Variants in MAPK8IP3 observed in about 807,000 individuals in gnomAD.
MAPK8IP3 encodes mitogen-activated protein kinase 8 interacting protein 3, also known as C-Jun-amino-terminal kinase-interacting protein 3.
Under a neutral mutation model 157.8 loss-of-function variants are expected in MAPK8IP3, and 49 were observed. That is an observed-to-expected ratio of 0.31 (90% CI 0.25 to 0.39). The LOEUF (loss-of-function observed/expected upper bound fraction) is 0.39. Ranked by LOEUF, MAPK8IP3 falls within the 10% of genes least tolerant of loss-of-function variation. The pLI, the probability that MAPK8IP3 is intolerant of heterozygous loss-of-function variation, is 1.00. For missense variants in MAPK8IP3, 1,478 were observed against 1,889.4 expected, an observed-to-expected ratio of 0.78 and a Z score of 4.04; for synonymous variants, 897 against 777.7, an observed-to-expected ratio of 1.15 and a Z score of -2.55.
chr16:1,726,011 C>T (rs2038854199), intron 2 of MAPK8IP3, among the ~76,000 whole-genome samples: 6 of 152,244 alleles, frequency 3.9e-5, no homozygotes, highest in African/African-American at 9.6e-5. Flanking sequence ...TGAAACCAAT[C>T]GGCTGCGGTT....
Position 1,743,742 on chromosome 16 carries a change from C to A in MAPK8IP3, c.747+266C>A, listed in dbSNP as rs1596688685. ...CTAGACCTCCCTGCCCTTGGATAGACCGCTCTGTAGCCAGGGGTGTACAGT... is the reference window on the plus strand; with the variant it reads ...CTAGACCTCCCTGCCCTTGGATAGAACGCTCTGTAGCCAGGGGTGTACAGT... On this transcript the variant is annotated intron_variant, in intron 5 of 31. Transcript: ENST00000610761. This position sits in a 1 kb window ranked among gnomAD's most constrained non-coding sequence, Gnocchi z 5.6. 2 of 1,356,128 alleles carry A rather than the reference C, an allele frequency of 1.5e-6. No homozygotes were observed. Among genetic ancestry groups the A allele is most frequent in the Non-Finnish European group, 1.9e-6 (2 of 1,060,884 alleles). The allele number at this position is 1,356,128 out of a possible 1,614,324, so 84.0% of individuals were successfully genotyped here. A position where few individuals can be genotyped will look rare whatever the true frequency, so the allele number is the denominator to read the frequency against.
At position 1,737,743 on chromosome 16, in the gene MAPK8IP3, C is replaced by CGT. The variant is rs530832228; in HGVS notation, c.603-5587_603-5586dup. On this transcript the variant is annotated intron_variant, in intron 4 of 31. Coordinates refer to ENST00000610761, the MANE Select transcript of MAPK8IP3 (RefSeq NM_001318852.2). ...CCGTCCGTGTGAGCATCCGTGTGAG[C>CGT]GTGACCATCCGTGTGTGTGACCATC... 6.5e-3 allele frequency among the ~76,000 whole-genome samples: 298 copies of CGT among 45,730 alleles called. 69 individuals carry two copies. Among genetic ancestry groups the CGT allele is most frequent in the African/African-American group, 0.03 (180 of 5,902 alleles). The allele number at this position is 45,730 out of a possible 152,430, so 30.0% of individuals were successfully genotyped here.
chr16:1,734,487 C>A (rs1010758542), intron 4 of MAPK8IP3, among the ~76,000 whole-genome samples: 33 of 152,236 alleles, frequency 2.2e-4, no homozygotes, highest in African/African-American at 8.0e-4. Context: ...GTGCTGTCTG[C>A]CACCTGCCTG....
Position 1,766,640 on chromosome 16 carries a change from G to GCC in MAPK8IP3, c.2931_2932insCC (p.Asn978ProfsTer23). On this transcript the variant is annotated frameshift_variant, in exon 23 of 32. Coordinates refer to ENST00000610761, the MANE Select transcript of MAPK8IP3 (RefSeq NM_001318852.2). LOFTEE classifies it high-confidence loss of function. ...CACCCACCATGTGGCTGGGAGCCCA[G>GCC]AACGGCTGGTAGGAAGGGCCCGGGG... The GCC allele has an allele frequency of 6.2e-7, 1 of 1,612,366 alleles. No homozygotes were observed. Among genetic ancestry groups the GCC allele is most frequent in the Non-Finnish European group, 8.5e-7 (1 of 1,179,800 alleles).
At chr16:1,712,187 G>A (rs563310023) in intron 1 of MAPK8IP3, among the ~76,000 whole-genome samples, 2 of 146,656 alleles carry the variant, frequency 1.4e-5, no homozygotes, top group South Asian at 2.2e-4. Context: ...TCAGCCTCCC[G>A]AGTAGCTGAG....
rs2037679222 is a variant in MAPK8IP3 at position 1,710,210 on chromosome 16, C to T, written c.318+3553C>T. On this transcript the variant is annotated intron_variant, in intron 1 of 31. Transcript: ENST00000610761. The surrounding 1 kb of genome is among the most constrained non-coding windows in gnomAD (Gnocchi z 4.1). ...TCAAGCAATCCTCCCACCTCAGCCT[C>T]CCAACATTTGACATTGAACTCCTGA... Among the ~76,000 whole-genome samples the T allele has an allele frequency of 6.6e-6, 1 of 151,788 alleles. No individual in the cohort carries two copies.
At chr16:1,758,200 CGGG>C (rs753169293) in intron 9 of MAPK8IP3, 41 bp downstream of exon 9, 4 of 1,609,854 alleles carry the variant, frequency 2.5e-6, no homozygotes, top group Non-Finnish European at 2.5e-6. Flanking sequence ...CTCTGTGTGA[CGGG>C]GGGAGTGGGT....
In MAPK8IP3 at chr16:1,762,807, C is replaced by A. The variant is rs757327519; in HGVS notation, c.1728-29C>A. 2.5e-6 allele frequency: 4 copies of A among 1,606,924 alleles called. No individual in the cohort carries two copies. In the African/African-American group the frequency reaches 5.3e-5, roughly 21 times the overall value. On this transcript the variant is annotated intron_variant, in intron 15 of 31. Coordinates refer to ENST00000610761, the MANE Select transcript of MAPK8IP3 (RefSeq NM_001318852.2). ...CAGGGAGGTTCCCTGGTCCTCTGCC[C>A]ACCCCTCACCTCCCTGTGCCTCTGG...
At chr16:1,734,441 C>T (rs537011504) in intron 4 of MAPK8IP3, among the ~76,000 whole-genome samples, 6 of 152,316 alleles carry the variant, frequency 3.9e-5, no homozygotes, top group Admixed American at 2.6e-4. Context: ...CTCCCCAGGC[C>T]GAGACCCTGG....
intron 4 of MAPK8IP3, among the ~76,000 whole-genome samples, chr16:1,737,027 T>C (rs866970871): frequency 1.2e-4 from 8 of 67,012 alleles, no homozygotes; most frequent in Admixed American, 1.9e-4. Flanking sequence ...AGTGTGACCA[T>C]CCATGTGAGC....
At chr16:1,748,039 C>G (rs2041074922) in intron 6 of MAPK8IP3, among the ~76,000 whole-genome samples, 2 of 152,210 alleles carry the variant, frequency 1.3e-5, no homozygotes, top group African/African-American at 2.4e-5. Flanking sequence ...GCAACCCACC[C>G]CGCTCCAGGC....
intron 4 of MAPK8IP3, among the ~76,000 whole-genome samples, chr16:1,736,825 C>T (rs2039931415): frequency 5.4e-5 from 3 of 55,818 alleles, no homozygotes; most frequent in African/African-American, 8.0e-5. Context: ...TCCGTGTGAG[C>T]GTCCGTGTGA....
rs1258286206 is a variant in MAPK8IP3 at position 1,767,251 on chromosome 16, A to G, written c.3191A>G (p.Tyr1064Cys). 6.8e-6 allele frequency: 11 copies of G among 1,613,238 alleles called. No homozygotes were observed. The Admixed American group carries it at 1.7e-4, about 24-fold the overall frequency. Reference sequence around the variant, plus strand: ...GTGTACGACCGCGTGTGGTGTGGCTACAAGAACAAGGTGCACGTCATCCAG... The same window carrying G: ...GTGTACGACCGCGTGTGGTGTGGCTGCAAGAACAAGGTGCACGTCATCCAG... ...AVVYDRVWCG[Y>C]KNKVHVIQPK... The change falls in exon 26 of 32, where the codon TAC becomes TGC. Residue 1064 changes from tyrosine (Y) to cysteine (C), a missense_variant. Physicochemically the swap from Tyr to Cys is radical, Grantham distance 194 (BLOSUM62 -2). This residue lies in a region of MAPK8IP3 where 669 missense variants were observed against 759.8 expected (regional missense o/e 0.88). Transcript: ENST00000610761.
intron 11 of MAPK8IP3, 60 bp from the exon 12 acceptor site, chr16:1,760,320 G>A: frequency 2.6e-6 from 4 of 1,557,898 alleles, no homozygotes; most frequent in Non-Finnish European, 3.5e-6. Context: ...CCCTGGCAAG[G>A]CCCCTTCACG....
At chr16:1,759,135 C>T (rs2141912292) in intron 10 of MAPK8IP3, 140 bp downstream of exon 10, 3 of 1,140,804 alleles carry the variant, frequency 2.6e-6, no homozygotes, top group South Asian at 1.3e-5. Context: ...CTGAGTGAAG[C>T]TCGCTCTGTC....
intron 4 of MAPK8IP3, among the ~76,000 whole-genome samples, chr16:1,739,187 C>T (rs1196948894): frequency 3.5e-3 from 235 of 68,008 alleles, no homozygotes; most frequent in Middle Eastern, 0.013. Flanking sequence ...TGTGAGCATC[C>T]GTGTGACCGT....
At chr16:1,726,468 A>C (rs1567148965) in intron 2 of MAPK8IP3, among the ~76,000 whole-genome samples, 1 of 152,128 alleles carries the variant, frequency 6.6e-6, no homozygotes, top group South Asian at 2.1e-4. Context: ...TGAGCTCAAG[A>C]GTTCAAGACC....
chr16:1,762,500 C>A lies in MAPK8IP3; in HGVS notation c.1670+19C>A. 1 of 1,611,248 alleles carries A rather than the reference C, an allele frequency of 6.2e-7. No homozygotes were observed. The highest frequency in any genetic ancestry group is 2.2e-5 in the East Asian group (1 of 44,812). On this transcript the variant is annotated intron_variant, in intron 14 of 31. Coordinates refer to ENST00000610761, the MANE Select transcript of MAPK8IP3 (RefSeq NM_001318852.2). ...TGATCAGGTGGGAGTTGCGGCCACC[C>A]CAGGAGGGGCTGCGGGATCATCCCT...
In MAPK8IP3 at chr16:1,706,452, G is replaced by A; in HGVS notation, c.113G>A (p.Arg38His). The change falls in exon 1 of 32, where the codon CGC becomes CAC. Residue 38 changes from arginine (R) to histidine (H), a missense_variant. Transcript: ENST00000610761. This position sits in a 1 kb window ranked among gnomAD's most constrained non-coding sequence, Gnocchi z 5.1. ...TCGGGCCTGGCGGGCTCCATCTACCGCGAGTTCGAGCGCCTCATCCACTGC... is the reference window on the plus strand; with the variant it reads ...TCGGGCCTGGCGGGCTCCATCTACCACGAGTTCGAGCGCCTCATCCACTGC... ...RVSGLAGSIY[R>H]EFERLIHCYD... 6.2e-7 allele frequency: 1 copy of A among 1,613,946 alleles called. No homozygotes were observed. The highest frequency in any genetic ancestry group is 8.5e-7 in the Non-Finnish European group (1 of 1,179,960).
Sources: gnomAD v4.1 joint callset for allele counts (sites outside exome capture counted in the v4.1 genomes callset) on GRCh38, gnomAD v4.1.1 for gene constraint, gnomAD v4.1.1 regional missense constraint, Gnocchi (gnomAD v3.1) non-coding constraint, MANE v1.5 for transcripts, NCBI Gene and HGNC (gene_info 2026-07-23, HGNC 2026-07-21) for gene names.